CFDP1: variants seen among roughly 807,000 people sequenced by gnomAD.
The protein encoded by CFDP1 is heterochromatin-stabilizing protein CFDP1.
A neutral mutation model predicts 40.1 loss-of-function variants in CFDP1; 31 were observed. The ratio of observed to expected loss-of-function variants is 0.77; its 90% CI spans 0.58 to 1.04. CFDP1 has a LOEUF of 1.04. CFDP1 is among the 50% of genes least tolerant of loss of function. The probability of loss-of-function intolerance (pLI) is 0.00; values close to 1 mark genes in which losing one functional copy is unlikely to be tolerated. For synonymous variants in CFDP1, 167 were observed against 120.0 expected, an observed-to-expected ratio of 1.39 and a Z score of -2.56; for missense variants, 423 against 343.4, an observed-to-expected ratio of 1.23 and a Z score of -1.83.
At chr16:75,324,296 CACA>C (rs2078388199) in intron 5 of CFDP1, among the ~76,000 whole-genome samples, 1 of 151,922 alleles carries the variant, frequency 6.6e-6, no homozygotes, top group Non-Finnish European at 1.5e-5. Flanking sequence ...TAGAGAAGTC[CACA>C]ACGAGGCAAC....
chr16:75,334,452 T>C (rs1249466654), intron 5 of CFDP1, among the ~76,000 whole-genome samples: 4 of 148,800 alleles, frequency 2.7e-5, no homozygotes, highest in Non-Finnish European at 5.9e-5. Context: ...GCCCCAGAAA[T>C]AGGCTACTAG....
intron 5 of CFDP1, among the ~76,000 whole-genome samples, chr16:75,307,715 C>T (rs1203639710): frequency 6.6e-6 from 1 of 152,034 alleles, no homozygotes; most frequent in East Asian, 1.9e-4. Context: ...TGTGCCACCA[C>T]GTTCAACTAT....
intron 5 of CFDP1, among the ~76,000 whole-genome samples, chr16:75,309,694 C>A (rs563066327): frequency 2.0e-5 from 3 of 151,946 alleles, no homozygotes; most frequent in African/African-American, 7.3e-5. Flanking sequence ...GTGGCAGGCG[C>A]CTGTAGTCCC....
At chr16:75,395,641 AG>A (rs2078990295) in intron 4 of CFDP1, among the ~76,000 whole-genome samples, 1 of 152,210 alleles carries the variant, frequency 6.6e-6, no homozygotes, top group Non-Finnish European at 1.5e-5. Flanking sequence ...CCTGGGCAAC[AG>A]CACGAGACAC....
intron 6 of CFDP1, among the ~76,000 whole-genome samples, chr16:75,294,848 T>C (rs978431144): frequency 6.6e-6 from 1 of 152,166 alleles, no homozygotes; most frequent in Non-Finnish European, 1.5e-5. Flanking sequence ...ACTTTCCCTC[T>C]GTCCTCCAGG....
intron 5 of CFDP1, chr16:75,324,715 C>T (rs1170637124): frequency 6.9e-6 from 1 of 144,836 alleles, no homozygotes; most frequent in Admixed American, 7.1e-5. Context: ...TGCACTCCAG[C>T]CTGGGCTACA....
intron 4 of CFDP1, among the ~76,000 whole-genome samples, chr16:75,403,101 T>C (rs2151573738): frequency 1.3e-5 from 2 of 152,310 alleles, no homozygotes; most frequent in East Asian, 3.9e-4. Flanking sequence ...ACGCCCTGAA[T>C]ACCCATCAAG....
At chr16:75,367,181 A>G (rs2033753826) in intron 5 of CFDP1, among the ~76,000 whole-genome samples, 1 of 151,710 alleles carries the variant, frequency 6.6e-6, no homozygotes, top group South Asian at 2.1e-4. Flanking sequence ...AAAAAAAAAA[A>G]AAAATTACTA....
chr16:75,301,536 C>CTTTT lies in CFDP1; in HGVS notation c.809+3484_809+3487dup, dbSNP rs546724752. 2.2e-4 allele frequency among the ~76,000 whole-genome samples: 12 copies of CTTTT among 53,964 alleles called. 1 individual carries two copies. The highest frequency in any genetic ancestry group is 2.0e-3 in the South Asian group (2 of 992). The allele number at this position is 53,964 out of a possible 152,430, so 35.4% of individuals were successfully genotyped here. A position where few individuals can be genotyped will look rare whatever the true frequency, so the allele number is the denominator to read the frequency against. ...TCTCAACATTAGAGTTTTGTTGTGT[C>CTTTT]TTTTTTTTTTTTTTTTTTTTTTTTT... On this transcript the variant is annotated intron_variant, in intron 6 of 6. Transcript: ENST00000283882.
In CFDP1 at chr16:75,408,360, G is replaced by A. The variant is rs149583762; in HGVS notation, c.530+3465C>T. Among the ~76,000 whole-genome samples the A allele has an allele frequency of 7.0e-3, 1,057 of 152,054 alleles. 10 individuals are homozygous for A. The highest frequency in any genetic ancestry group is 0.017 in the Middle Eastern group (5 of 294). On this transcript the variant is annotated intron_variant, in intron 4 of 6. Transcript: ENST00000283882. ...TGGAAGGGTGGTCAGAAGGCAGGAA[G>A]GAGAAAACCAACAAAGAAATAATTT... is the stretch of plus-strand genomic sequence containing the variant.
rs181572997 is a variant in CFDP1, at chr16:75,331,718, C to T, written c.651-26536G>A. Among the ~76,000 whole-genome samples, 219 of 86,884 alleles carry T rather than the reference C, an allele frequency of 2.5e-3. 2 individuals are homozygous for T. Among genetic ancestry groups the T allele is most frequent in the African/African-American group, 8.3e-3 (208 of 25,200 alleles). 57.0% of individuals were successfully genotyped at this position (86,884 alleles called of 152,430 possible). ...CCATGTTGTGTGTTCCTTGTTATTG[C>T]CACACTTTGTTTATCCATTCTCCTA... is the stretch of plus-strand genomic sequence containing the variant. On this transcript the variant is annotated intron_variant, in intron 5 of 6. Coordinates refer to ENST00000283882, the MANE Select transcript of CFDP1 (RefSeq NM_006324.3).
intron 5 of CFDP1, among the ~76,000 whole-genome samples, chr16:75,381,650 A>T (rs2078853245): frequency 6.6e-6 from 1 of 152,182 alleles, no homozygotes; most frequent in Admixed American, 6.5e-5. Context: ...TTGGCAAGCT[A>T]CTGAATTTCA....
At chr16:75,364,213 A>C (rs1336383555) in intron 5 of CFDP1, among the ~76,000 whole-genome samples, 4 of 152,186 alleles carry the variant, frequency 2.6e-5, no homozygotes, top group Non-Finnish European at 5.9e-5. Flanking sequence ...TTTATTTAAC[A>C]ATTCACTTTT....
chr16:75,367,814 TAAC>T (rs970993630), intron 5 of CFDP1, among the ~76,000 whole-genome samples: 2 of 145,340 alleles, frequency 1.4e-5, no homozygotes, highest in African/African-American at 2.6e-5. Context: ...AAAAAAAACT[TAAC>T]AGCCAGACCG....
At chr16:75,416,890 C>G (rs372208368) in intron 1 of CFDP1, among the ~76,000 whole-genome samples, 4 of 152,154 alleles carry the variant, frequency 2.6e-5, no homozygotes, top group Non-Finnish European at 5.9e-5. Context: ...ATCCCAAACA[C>G]CAAGGGCTAA....
At chr16:75,384,945 C>T (rs1301232405) in intron 5 of CFDP1, among the ~76,000 whole-genome samples, 2 of 135,362 alleles carry the variant, frequency 1.5e-5, no homozygotes, top group Non-Finnish European at 3.2e-5. Flanking sequence ...TTTTAAGTAT[C>T]TACGAATGCA....
rs185951002 is a variant in CFDP1 at position 75,427,382 on chromosome 16, C to G, written c.64+5907G>C. On this transcript the variant is annotated intron_variant, in intron 1 of 6. Coordinates refer to ENST00000283882, the MANE Select transcript of CFDP1 (RefSeq NM_006324.3). Reference sequence around the variant, plus strand: ...TCTCCTTCCTCATCCTCCCAAGTAGCTGGGACTACAGGCATGCACCACCAT... The same window carrying G: ...TCTCCTTCCTCATCCTCCCAAGTAGGTGGGACTACAGGCATGCACCACCAT... 6.4e-3 allele frequency among the ~76,000 whole-genome samples: 974 copies of G among 152,106 alleles called. 7 individuals are homozygous for G. Among genetic ancestry groups the G allele is most frequent in the Middle Eastern group, 0.017 (5 of 294 alleles).
intron 1 of CFDP1, among the ~76,000 whole-genome samples, chr16:75,432,172 A>T (rs2079427932): frequency 6.7e-6 from 1 of 150,324 alleles, no homozygotes; most frequent in African/African-American, 2.4e-5. Flanking sequence ...AGCCTCCCAA[A>T]GTGTTGGGAT....
chr16:75,391,573 C>A (rs2078951145), intron 5 of CFDP1: 1 of 152,134 alleles, frequency 6.6e-6, no homozygotes, highest in African/African-American at 2.4e-5. Flanking sequence ...AAATATTTCA[C>A]CAAATTTTAA....
Sources: gnomAD v4.1 joint callset for allele counts (sites outside exome capture counted in the v4.1 genomes callset) on GRCh38, gnomAD v4.1.1 for gene constraint, MANE v1.5 for transcripts, NCBI Gene and HGNC (gene_info 2026-07-23, HGNC 2026-07-21) for gene names.